The following R3HDM1 variants were observed in gnomAD, a reference collection of about 807,000 sequenced individuals.
The protein encoded by R3HDM1 is R3H domain-containing protein 1.
Under a neutral mutation model 141.1 loss-of-function variants are expected in R3HDM1, and 46 were observed. The ratio of observed to expected loss-of-function variants is 0.33; its 90% CI spans 0.26 to 0.42. The LOEUF is 0.42. Among genes scored for constraint, R3HDM1 ranks in the 10% least tolerant of loss-of-function variants. R3HDM1 has a pLI of 1.00. For missense variants in R3HDM1, 1,184 were observed against 1,368.3 expected, an observed-to-expected ratio of 0.87 and a Z score of 2.12; for synonymous variants, 435 against 472.9, an observed-to-expected ratio of 0.92 and a Z score of 1.04.
chr2:135,696,711 G>A lies in R3HDM1; in HGVS notation c.2460-12722G>A, dbSNP rs141952682. Among the ~76,000 whole-genome samples, 284 of 151,962 alleles carry A rather than the reference G, an allele frequency of 1.9e-3. 2 individuals carry two copies. Among genetic ancestry groups the A allele is most frequent in the African/African-American group, 6.6e-3 (275 of 41,420 alleles). Reference sequence around the variant, plus strand: ...CTCACTGTATTACCCTGCTGGTGTCGAACTTTTGGGCTCAAGCAATCCTCC... The same window carrying A: ...CTCACTGTATTACCCTGCTGGTGTCAAACTTTTGGGCTCAAGCAATCCTCC... On this transcript the variant is annotated intron_variant, in intron 21 of 26. Transcript: ENST00000683871.
Position 135,587,099 on chromosome 2 carries a change from T to C in R3HDM1, c.-249-15401T>C. The C allele has an allele frequency of 6.2e-6, 4 of 642,194 alleles. No homozygotes were observed. In the South Asian group the frequency reaches 2.8e-4, roughly 44 times the overall value. 39.8% of individuals were successfully genotyped at this position (642,194 alleles called of 1,614,324 possible). ...ATGATTAACATAATCAGATATCACA[T>C]TGCAAAAGAGAGCAAATGCTAATCA... On this transcript the variant is annotated intron_variant, in intron 1 of 26. Coordinates refer to ENST00000683871, the MANE Select transcript of R3HDM1 (RefSeq NM_001378107.1).
At chr2:135,588,682 G>T (rs75190500) in intron 1 of R3HDM1, among the ~76,000 whole-genome samples, 1 of 151,900 alleles carries the variant, frequency 6.6e-6, no homozygotes, top group Non-Finnish European at 1.5e-5. Context: ...TATGTGTTAG[G>T]CTACTATTAA....
chr2:135,651,155 C>A, intron 17 of R3HDM1: 2 of 985,264 alleles, frequency 2.0e-6, no homozygotes, highest in Non-Finnish European at 2.4e-6. Flanking sequence ...TTGAAAAACA[C>A]AAGGGAAGAA....
chr2:135,613,520 C>T (rs2105146898), intron 3 of R3HDM1, among the ~76,000 whole-genome samples: 1 of 152,238 alleles, frequency 6.6e-6, no homozygotes, highest in Middle Eastern at 3.4e-3. Flanking sequence ...GCTTAGTTAA[C>T]AAATGCATAA....
intron 1 of R3HDM1, among the ~76,000 whole-genome samples, chr2:135,539,340 G>T (rs1288118522): frequency 6.6e-6 from 1 of 152,232 alleles, no homozygotes; most frequent in Non-Finnish European, 1.5e-5. Context: ...TAGCAGTGCA[G>T]TAGGTTTACA....
At chr2:135,572,578 T>C (rs182605452) in intron 1 of R3HDM1, among the ~76,000 whole-genome samples, 1 of 152,340 alleles carries the variant, frequency 6.6e-6, no homozygotes, top group African/African-American at 2.4e-5. Context: ...CCGTCCTACA[T>C]TGCTCTTGGG....
intron 21 of R3HDM1, among the ~76,000 whole-genome samples, chr2:135,708,569 G>A (rs1340478782): frequency 3.3e-5 from 5 of 152,150 alleles, no homozygotes; most frequent in Non-Finnish European, 7.3e-5. Flanking sequence ...TGAATTCTCA[G>A]AATAGTATCA....
intron 1 of R3HDM1, among the ~76,000 whole-genome samples, chr2:135,557,435 A>C (rs1700998475): frequency 6.6e-6 from 1 of 152,200 alleles, no homozygotes; most frequent in Non-Finnish European, 1.5e-5. Context: ...ACAAAACAGG[A>C]GTCAGAGAAT....
At chr2:135,550,034 A>G in intron 1 of R3HDM1, 1 of 982,190 alleles carries the variant, frequency 1.0e-6, no homozygotes, top group Non-Finnish European at 1.2e-6. Context: ...GGCAGTTTAT[A>G]TTCATAAGAC....
intron 3 of R3HDM1, among the ~76,000 whole-genome samples, chr2:135,613,776 A>G (rs2060767784): frequency 6.6e-6 from 1 of 152,208 alleles, no homozygotes; most frequent in Non-Finnish European, 1.5e-5. Flanking sequence ...ATATCACGCC[A>G]CTGCACTCCA....
At chr2:135,722,801 A>G (rs1047687991) in intron 26 of R3HDM1, among the ~76,000 whole-genome samples, 1 of 152,162 alleles carries the variant, frequency 6.6e-6, no homozygotes, top group African/African-American at 2.4e-5. Context: ...GTGTGAGAGG[A>G]ACAAGTAGAG....
At chr2:135,658,078 C>A (rs1027244652) in intron 18 of R3HDM1, among the ~76,000 whole-genome samples, 1 of 152,178 alleles carries the variant, frequency 6.6e-6, no homozygotes, top group African/African-American at 2.4e-5. Flanking sequence ...GCAATTATAT[C>A]ACAATGGTAA....
At chr2:135,541,813 A>G (rs1419545660) in intron 1 of R3HDM1, among the ~76,000 whole-genome samples, 1 of 150,242 alleles carries the variant, frequency 6.7e-6, no homozygotes, top group African/African-American at 2.4e-5. Context: ...ACTGATCGAT[A>G]TGCTTGACTC....
At chr2:135,585,899 A>G (rs1286429970) in intron 1 of R3HDM1, among the ~76,000 whole-genome samples, 2 of 152,234 alleles carry the variant, frequency 1.3e-5, no homozygotes, top group Non-Finnish European at 2.9e-5. Context: ...TCTTTGTGAC[A>G]GGTAAAGTCA....
intron 21 of R3HDM1, among the ~76,000 whole-genome samples, chr2:135,702,319 T>G (rs1432193576): frequency 1.3e-5 from 2 of 151,090 alleles, no homozygotes; most frequent in African/African-American, 4.9e-5. Context: ...GGTCAGGAGT[T>G]TTGAGACCAG....
chr2:135,575,511 C>T (rs1429033282), intron 1 of R3HDM1, among the ~76,000 whole-genome samples: 1 of 152,130 alleles, frequency 6.6e-6, no homozygotes, highest in Admixed American at 6.5e-5. Flanking sequence ...AAGGGATAGT[C>T]AACCTGTAAT....
intron 18 of R3HDM1, among the ~76,000 whole-genome samples, chr2:135,656,924 T>C (rs1397150974): frequency 6.6e-6 from 1 of 150,660 alleles, no homozygotes; most frequent in Non-Finnish European, 1.5e-5. Context: ...CGAAACCCCA[T>C]CTCTACTAAA....
At chr2:135,669,928 C>G (rs2068072169) in intron 19 of R3HDM1, among the ~76,000 whole-genome samples, 1 of 152,048 alleles carries the variant, frequency 6.6e-6, no homozygotes, top group African/African-American at 2.4e-5. Flanking sequence ...CACCTGGTGT[C>G]AGGAGTTCAA....
At position 135,715,765 on chromosome 2, in the gene R3HDM1, A is replaced by T. The variant is rs941326678; in HGVS notation, c.2881+71A>T. 6.6e-6 allele frequency: 10 copies of T among 1,517,456 alleles called. No individual in the cohort carries two copies. The African/African-American group carries it at 1.2e-4, about 19-fold the overall frequency. The allele number at this position is 1,517,456 out of a possible 1,614,324, so 94.0% of individuals were successfully genotyped here. ...TCCATTCCCAGTCACTTGGTAATTTATCTTGGTAATATTGCCTTTCTATTT... is the reference window on the plus strand; with the variant it reads ...TCCATTCCCAGTCACTTGGTAATTTTTCTTGGTAATATTGCCTTTCTATTT... On this transcript the variant is annotated intron_variant, in intron 24 of 26. Coordinates refer to ENST00000683871, the MANE Select transcript of R3HDM1 (RefSeq NM_001378107.1).
Sources: allele counts gnomAD v4.1 joint callset (sites outside exome capture counted in the v4.1 genomes callset), GRCh38; gene constraint gnomAD v4.1.1; transcripts MANE v1.5; gene names NCBI Gene and HGNC (gene_info 2026-07-23, HGNC 2026-07-21).